CROCC2: variants seen among roughly 807,000 people sequenced by gnomAD.
The protein encoded by CROCC2 is ciliary rootlet coiled-coil protein 2.
CROCC2 carries 163 observed loss-of-function variants against 177.6 expected under a neutral mutation model. The ratio of observed to expected loss-of-function variants is 0.92; its 90% CI spans 0.81 to 1.05. The LOEUF is 1.05. Ranked by LOEUF, CROCC2 falls within the 50% of genes least tolerant of loss-of-function variation. The probability of loss-of-function intolerance (pLI) is 0.00; values close to 1 mark genes in which losing one functional copy is unlikely to be tolerated. For missense variants in CROCC2, 1,929 were observed against 1,797.8 expected (o/e 1.07, Z -1.32); for synonymous variants, 904 against 787.3 (o/e 1.15, Z -2.48).
intron 27 of CROCC2, among the ~76,000 whole-genome samples, chr2:240,971,881 T>G (rs1401269086): frequency 3.3e-5 from 5 of 152,160 alleles, no homozygotes; most frequent in African/African-American, 9.7e-5. Context: ...CCTACTCAGC[T>G]AATCTCAGGA....
rs543363677 is a variant in CROCC2, at chr2:240,972,326, C to G, written c.4401+4064C>G. ...GCCAGCAGTGGAGTTCTGGCCCTCC[C>G]GGAGCTGTTCTGTTCCTGAAGTGGG... On this transcript the variant is annotated intron_variant, in intron 27 of 31. Transcript: ENST00000690015. This position sits in a 1 kb window ranked among gnomAD's most constrained non-coding sequence, Gnocchi z 7.1. Among the ~76,000 whole-genome samples, 2 of 152,142 alleles carry G rather than the reference C, an allele frequency of 1.3e-5. No individual in the cohort carries two copies. The highest frequency in any genetic ancestry group is 4.8e-5 in the African/African-American group (2 of 41,438).
intron 28 of CROCC2, chr2:240,983,740 C>A: frequency 1.4e-6 from 1 of 704,664 alleles, no homozygotes; most frequent in Non-Finnish European, 2.1e-6. Flanking sequence ...GTGGCCACAG[C>A]CCTGCCAGTG....
chr2:240,964,242 G>A, intron 21 of CROCC2: 1 of 598,314 alleles, frequency 1.7e-6, no homozygotes, highest in Admixed American at 2.9e-5. Flanking sequence ...GTGAGGAGGG[G>A]CTGAAGAGGT....
rs1204603116 is a variant in CROCC2 at position 240,933,734 on chromosome 2, G to C, written c.1528G>C (p.Glu510Gln). The C allele has an allele frequency of 3.2e-6, 5 of 1,550,102 alleles. No individual in the cohort carries two copies. In the African/African-American group the frequency reaches 4.1e-5, roughly 13 times the overall value. The change falls in exon 11 of 32, where the codon GAG becomes CAG. Residue 510 changes from glutamate to glutamine, a missense_variant. Transcript: ENST00000690015. ...AGGGAAGGCAGATGCTGCAGATGCGGAGAAGCAGGGGCTGGAGGCCGAGGC... is the reference window on the plus strand; with the variant it reads ...AGGGAAGGCAGATGCTGCAGATGCGCAGAAGCAGGGGCTGGAGGCCGAGGC... ...LKGKADAADA[E>Q]KQGLEAEAAE... is the part of the protein sequence containing the mutation.
chr2:240,964,258 G>T, intron 21 of CROCC2: 1 of 615,730 alleles, frequency 1.6e-6, no homozygotes. Context: ...GAGGTGGATA[G>T]TGGACAGGGG....
chr2:240,990,130 G>T (rs889636762), intron 30 of CROCC2, among the ~76,000 whole-genome samples: 7 of 152,226 alleles, frequency 4.6e-5, no homozygotes, highest in African/African-American at 1.7e-4. Flanking sequence ...CCTGTCAGGG[G>T]TCACTGGGCG....
rs2059332719 is a variant in CROCC2 at position 240,918,239 on chromosome 2, C to G, written c.79-487C>G. Among the ~76,000 whole-genome samples the G allele has an allele frequency of 6.6e-6, 1 of 152,120 alleles. No individual in the cohort carries two copies. Among genetic ancestry groups the G allele is most frequent in the South Asian group, 2.1e-4 (1 of 4,822 alleles). ...CCCATCCTCAGCCCCCACCCCCCAACAAACACACACAAACACACTGGGCTC... is the reference window on the plus strand; with the variant it reads ...CCCATCCTCAGCCCCCACCCCCCAAGAAACACACACAAACACACTGGGCTC... On this transcript the variant is annotated intron_variant, in intron 1 of 31. Transcript: ENST00000690015. This position sits in a 1 kb window ranked among gnomAD's most constrained non-coding sequence, Gnocchi z 6.3.
chr2:240,928,399 G>A (rs1324145333), intron 5 of CROCC2, among the ~76,000 whole-genome samples: 5 of 149,964 alleles, frequency 3.3e-5, no homozygotes, highest in Non-Finnish European at 7.4e-5. Flanking sequence ...ATAATCTCTT[G>A]CAGGGTCATG....
intron 14 of CROCC2, among the ~76,000 whole-genome samples, chr2:240,936,119 G>T (rs538970109): frequency 1.3e-5 from 2 of 152,108 alleles, no homozygotes; most frequent in Non-Finnish European, 2.9e-5. Context: ...CGCAGCCCCC[G>T]TCACATTCAG....
rs144575361 is a variant in CROCC2 at position 240,911,841 on chromosome 2, G to C, written c.78+5250G>C. ...CAGCATTTCCTTGCTTTTTAAGGCT[G>C]AGTAATGTTCTACTCATAGAGGGAC... On this transcript the variant is annotated intron_variant, in intron 1 of 31. Coordinates refer to ENST00000690015, the MANE Select transcript of CROCC2 (RefSeq NM_001351305.2). Among the ~76,000 whole-genome samples the C allele has an allele frequency of 6.9e-3, 1,044 of 152,260 alleles. 6 individuals carry two copies. Among genetic ancestry groups the C allele is most frequent in the African/African-American group, 0.023 (940 of 41,538 alleles).
At chr2:240,985,799 C>A in intron 28 of CROCC2, 1 of 336,896 alleles carries the variant, frequency 3.0e-6, no homozygotes, top group Admixed American at 3.5e-5. Context: ...GGCACCCACT[C>A]CACACACACC....
At chr2:240,940,046 G>A (rs1182753068) in intron 14 of CROCC2, among the ~76,000 whole-genome samples, 1 of 152,098 alleles carries the variant, frequency 6.6e-6, no homozygotes, top group African/African-American at 2.4e-5. Context: ...GCTTAGTAGT[G>A]CTGTTTAAAT....
rs1039099361 is a variant in CROCC2 at position 240,993,109 on chromosome 2, C to A, written c.*28C>A. ...CTCCCAGCACAGGGGAGGCGCCCAG[C>A]GTGGCTGCAGAGGAAGGGAACGCAC... On this transcript the variant is annotated 3_prime_UTR_variant, in exon 32 of 32. Coordinates refer to ENST00000690015, the MANE Select transcript of CROCC2 (RefSeq NM_001351305.2). 1.5e-5 allele frequency: 11 copies of A among 716,160 alleles called. No individual in the cohort carries two copies. The highest frequency in any genetic ancestry group is 1.8e-5 in the Non-Finnish European group (7 of 384,344). 44.4% of individuals were successfully genotyped at this position (716,160 alleles called of 1,614,324 possible).
chr2:240,971,975 C>T (rs151048744), intron 27 of CROCC2, among the ~76,000 whole-genome samples: 47 of 152,274 alleles, frequency 3.1e-4, no homozygotes, highest in African/African-American at 1.0e-3. Flanking sequence ...CACCTCAAGA[C>T]CCCTGCCCTG....
chr2:240,962,540 T>C (rs1380676655), intron 20 of CROCC2, among the ~76,000 whole-genome samples: 2 of 151,702 alleles, frequency 1.3e-5, no homozygotes, highest in Non-Finnish European at 2.9e-5. Flanking sequence ...AGAACAACAA[T>C]AACAGCGGCA....
chr2:240,991,688 C>T (rs1039345762), intron 31 of CROCC2, among the ~76,000 whole-genome samples: 4 of 152,050 alleles, frequency 2.6e-5, no homozygotes, highest in Non-Finnish European at 4.4e-5. Context: ...CCCCGCCTGG[C>T]ACCCTCCCAG....
rs975266521 is a variant in CROCC2 at position 240,993,292 on chromosome 2, T to C, written c.*211T>C. The C allele has an allele frequency of 5.5e-6, 3 of 549,858 alleles. No individual in the cohort carries two copies. Among genetic ancestry groups the C allele is most frequent in the African/African-American group, 1.9e-5 (1 of 52,536 alleles). The allele number at this position is 549,858 out of a possible 1,614,324, so 34.1% of individuals were successfully genotyped here. On this transcript the variant is annotated 3_prime_UTR_variant, in exon 32 of 32. Transcript: ENST00000690015. Reference sequence around the variant, plus strand: ...GGGGCCTCCGAATTTTGAATTTTAATAAATAGTTGAATCAGCGTAGGAGAT... The same window carrying C: ...GGGGCCTCCGAATTTTGAATTTTAACAAATAGTTGAATCAGCGTAGGAGAT...
At chr2:240,928,726 C>T (rs867918780) in intron 5 of CROCC2, among the ~76,000 whole-genome samples, 43 of 139,204 alleles carry the variant, frequency 3.1e-4, no homozygotes, top group African/African-American at 9.8e-4. Flanking sequence ...GGCATGCCCT[C>T]GGAGGGCGTG....
In CROCC2 at chr2:240,984,483, C is replaced by T. The variant is rs572054091; in HGVS notation, c.4551+1454C>T. ...GAGGAGCCTGCTATGTACAACACCC[C>T]CTCCCCATCACCTGAGAGGCAGCTC... On this transcript the variant is annotated intron_variant, in intron 28 of 31. Coordinates refer to ENST00000690015, the MANE Select transcript of CROCC2 (RefSeq NM_001351305.2). Among the ~76,000 whole-genome samples, 3 of 152,030 alleles carry T rather than the reference C, an allele frequency of 2.0e-5. No individual in the cohort carries two copies. The South Asian group carries it at 6.2e-4, about 32-fold the overall frequency.
Sources: gnomAD v4.1 joint callset for allele counts (sites outside exome capture counted in the v4.1 genomes callset) on GRCh38, gnomAD v4.1.1 for gene constraint, Gnocchi (gnomAD v3.1) non-coding constraint, MANE v1.5 for transcripts, NCBI Gene and HGNC (gene_info 2026-07-23, HGNC 2026-07-21) for gene names.